The following RIPOR3 variants were observed in gnomAD, a reference collection of about 807,000 sequenced individuals.
RIPOR3 encodes RIPOR family member 3, also known as family with sequence similarity 65 member C.
A neutral mutation model predicts 114.3 loss-of-function variants in RIPOR3; 95 were observed. The observed-to-expected ratio is 0.83, with a 90% confidence interval of 0.70 to 0.99. RIPOR3 has a LOEUF of 0.99. RIPOR3 is among the 50% of genes least tolerant of loss of function. RIPOR3 has a pLI of 0.00. For synonymous variants in RIPOR3, 575 were observed against 543.8 expected (o/e 1.06, Z -0.80); for missense variants, 1,252 against 1,266.9 (o/e 0.99, Z 0.18).
intron 2 of RIPOR3, among the ~76,000 whole-genome samples, chr20:50,622,950 C>T (rs2084473069): frequency 6.6e-6 from 1 of 152,056 alleles, no homozygotes; most frequent in South Asian, 2.1e-4. Flanking sequence ...GTATCTTTCC[C>T]CTGGCTCACA....
In RIPOR3 at chr20:50,591,968, G is replaced by A. The variant is rs6096016; in HGVS notation, c.2577+376C>T. ...AAATTAGCTGGGTATGGTGGTGGGC[G>A]CCTGTAATCCCAGCTACTCAGGAGG... On this transcript the variant is annotated intron_variant, in intron 19 of 21. Coordinates refer to ENST00000327979, the MANE Select transcript of RIPOR3 (RefSeq NM_001290268.2). Among the ~76,000 whole-genome samples the A allele has an allele frequency of 7.6e-3, 1,156 of 152,214 alleles. 13 individuals are homozygous for A. The highest frequency in any genetic ancestry group is 0.026 in the African/African-American group (1,072 of 41,534).
In RIPOR3 at chr20:50,607,229, G is replaced by A. The variant is rs193176126; in HGVS notation, c.956+1160C>T. 3.2e-3 allele frequency among the ~76,000 whole-genome samples: 480 copies of A among 152,234 alleles called. 1 individual carries two copies. The highest frequency in any genetic ancestry group is 0.031 in the Middle Eastern group (9 of 294). On this transcript the variant is annotated intron_variant, in intron 11 of 21. Transcript: ENST00000327979. The stretch of plus-strand genomic sequence containing the variant: ...CTCAGCCGATGAGCAGGGGACACTC[G>A]GTTCAGACCCCTTGTCTGTAAAAGG...
At chr20:50,605,567 G>C (rs984782857) in intron 11 of RIPOR3, among the ~76,000 whole-genome samples, 3 of 151,846 alleles carry the variant, frequency 2.0e-5, no homozygotes, top group Admixed American at 6.6e-5. Flanking sequence ...TCAGGAGTTC[G>C]AGACCAGCCT....
intron 2 of RIPOR3, among the ~76,000 whole-genome samples, chr20:50,625,391 A>G (rs957025844): frequency 2.0e-5 from 3 of 152,082 alleles, no homozygotes; most frequent in Admixed American, 2.0e-4. Context: ...TTGGTGCTTT[A>G]CATGTATGGA....
At chr20:50,596,451 G>A (rs2083294092) in intron 14 of RIPOR3, among the ~76,000 whole-genome samples, 188 bp from the exon 15 acceptor site, 1 of 152,218 alleles carries the variant, frequency 6.6e-6, no homozygotes, top group South Asian at 2.1e-4. Context: ...TGGGAGGTGT[G>A]GCCAAGGGCC....
intron 3 of RIPOR3, among the ~76,000 whole-genome samples, chr20:50,619,648 G>C (rs140196238): frequency 2.0e-5 from 3 of 152,298 alleles, no homozygotes; most frequent in South Asian, 4.1e-4. Flanking sequence ...TCGACGCACT[G>C]TCTCTCTGTT....
intron 2 of RIPOR3, among the ~76,000 whole-genome samples, chr20:50,629,237 T>C (rs965443572): frequency 1.3e-5 from 2 of 151,978 alleles, no homozygotes; most frequent in Non-Finnish European, 2.9e-5. Flanking sequence ...GGGAAGAGCA[T>C]GGTGGGATTT....
chr20:50,641,261 C>T (rs1706526455), intron 1 of RIPOR3, among the ~76,000 whole-genome samples: 1 of 152,104 alleles, frequency 6.6e-6, no homozygotes, highest in Admixed American at 6.6e-5. Flanking sequence ...ATCACCCAGG[C>T]TGGAGTGCAG....
At chr20:50,680,323 C>T (rs2086817570) in intron 1 of RIPOR3, among the ~76,000 whole-genome samples, 1 of 152,206 alleles carries the variant, frequency 6.6e-6, no homozygotes, top group Non-Finnish European at 1.5e-5. Context: ...ATCCACAGGA[C>T]CCCTTTCATC....
Position 50,609,597 on chromosome 20 carries a change from G to T in RIPOR3, c.552C>A (p.Gly184=). The T allele has an allele frequency of 7.1e-7, 1 of 1,416,846 alleles. No individual in the cohort carries two copies. Among genetic ancestry groups the T allele is most frequent in the Non-Finnish European group, 9.2e-7 (1 of 1,089,316 alleles). The allele number at this position is 1,416,846 out of a possible 1,614,324, so 87.8% of individuals were successfully genotyped here. A position where few individuals can be genotyped will look rare whatever the true frequency, so the allele number is the denominator to read the frequency against. ...RAARESLQEL[G]RSLHECAEDM... ...CCTCGGCGCACTCGTGCAGGCTGCG[G>T]CCCAGCTCCTGCAGGCTCTCTCGGG... The change falls in exon 7 of 22, where the codon GGC becomes GGA. Residue 184 remains glycine (G), a synonymous_variant. Transcript: ENST00000327979.
At position 50,611,180 on chromosome 20, in the gene RIPOR3, C is replaced by T. The variant is rs1322437392; in HGVS notation, c.372+1G>A. The T allele has an allele frequency of 3.1e-6, 5 of 1,614,106 alleles. No individual in the cohort carries two copies. Among genetic ancestry groups the T allele is most frequent in the Non-Finnish European group, 2.5e-6 (3 of 1,180,058 alleles). ...ACCTCACTCACCGTATGCAGACTCA[C>T]CTTGTCCAGGTCATAATAGAAAGCC... On this transcript the variant is annotated splice_donor_variant, in intron 5 of 21. Transcript: ENST00000327979. LOFTEE classifies it high-confidence loss of function.
chr20:50,598,840 G>A (rs1170266487), intron 13 of RIPOR3, among the ~76,000 whole-genome samples: 1 of 151,562 alleles, frequency 6.6e-6, no homozygotes, highest in Non-Finnish European at 1.5e-5. Context: ...GGGAGGCGGA[G>A]GTTGCAGTGA....
chr20:50,677,541 T>G (rs1342463443), intron 1 of RIPOR3, among the ~76,000 whole-genome samples: 2 of 151,800 alleles, frequency 1.3e-5, no homozygotes, highest in African/African-American at 2.4e-5. Context: ...CTGGCTAATT[T>G]TTGTATTTTT....
At chr20:50,626,227 G>A (rs1209358389) in intron 2 of RIPOR3, among the ~76,000 whole-genome samples, 3 of 152,262 alleles carry the variant, frequency 2.0e-5, no homozygotes, top group Non-Finnish European at 4.4e-5. Context: ...CCGCTTCCCC[G>A]TCGGTGTGGG....
chr20:50,655,669 C>CTA (rs1491252501), intron 1 of RIPOR3, among the ~76,000 whole-genome samples: 1 of 145,190 alleles, frequency 6.9e-6, no homozygotes, highest in Non-Finnish European at 1.5e-5. Flanking sequence ...TTAGCGTGGG[C>CTA]TGTGTGTGTG....
chr20:50,595,610 G>A (rs781331153), intron 15 of RIPOR3, 106 bp from the exon 16 acceptor site: 34 of 1,467,788 alleles, frequency 2.3e-5, no homozygotes, highest in Non-Finnish European at 3.1e-5. Flanking sequence ...TCTGTCCCGG[G>A]GGCAGCTCCC....
chr20:50,604,699 G>C lies in RIPOR3; in HGVS notation c.1032C>G (p.Ser344=). ...GKFSMGSRKG[S]LYNWTPPSTP... ...TGCTCGGGGGTGTCCAGTTGTACAA[G>C]GAGCCCTTCCTGCTGCCCATAGAAA... The change falls in exon 12 of 22, where the codon TCC becomes TCG. Residue 344 remains serine, a synonymous_variant. Transcript: ENST00000327979. 6.2e-7 allele frequency: 1 copy of C among 1,609,418 alleles called. No individual in the cohort carries two copies.
chr20:50,589,874 A>T lies in RIPOR3; in HGVS notation c.2578-105T>A. 7.5e-6 allele frequency: 7 copies of T among 936,118 alleles called. No individual in the cohort carries two copies. The South Asian group carries it at 9.8e-5, about 13-fold the overall frequency. 58.0% of individuals were successfully genotyped at this position (936,118 alleles called of 1,614,324 possible). A position where few individuals can be genotyped will look rare whatever the true frequency, so the allele number is the denominator to read the frequency against. On this transcript the variant is annotated intron_variant, in intron 19 of 21. Coordinates refer to ENST00000327979, the MANE Select transcript of RIPOR3 (RefSeq NM_001290268.2). ...GCCGACAGTAAGGCACGCTGTGCCC[A>T]TCTTTCTCTAAACAACGTTCAGGAC...
intron 1 of RIPOR3, among the ~76,000 whole-genome samples, chr20:50,660,874 C>T (rs1600708426): frequency 6.7e-6 from 1 of 149,240 alleles, no homozygotes; most frequent in Admixed American, 6.7e-5. Flanking sequence ...CCCACCTCAG[C>T]ACCCCCCACC....
Sources: gnomAD v4.1 joint callset for allele counts (sites outside exome capture counted in the v4.1 genomes callset) on GRCh38, gnomAD v4.1.1 for gene constraint, MANE v1.5 for transcripts, NCBI Gene and HGNC (gene_info 2026-07-23, HGNC 2026-07-21) for gene names.